The following ENTPD4 variants were observed in gnomAD, a reference collection of about 807,000 sequenced individuals.
The protein encoded by ENTPD4 is Golgi UDPase.
In ENTPD4, 60 loss-of-function variants were observed where a neutral mutation model predicts 79.1. That is an observed-to-expected ratio of 0.76 (90% confidence interval 0.62 to 0.94). ENTPD4 has a LOEUF of 0.94. Among genes scored for constraint, ENTPD4 ranks in the 40% least tolerant of loss-of-function variants. The pLI is 0.00. For missense variants in ENTPD4, 772 were observed against 775.1 expected (o/e 1.00, Z 0.05); for synonymous variants, 276 against 292.0 (o/e 0.95, Z 0.56).
intron 7 of ENTPD4, 24 bp downstream of exon 7, chr8:23,441,983 A>G (rs1800679683): frequency 1.9e-6 from 3 of 1,592,950 alleles, no homozygotes; most frequent in Non-Finnish European, 2.6e-6. Context: ...AACTAGATAC[A>G]TTTGTTGGAA....
chr8:23,451,610 T>C (rs1158685467), intron 1 of ENTPD4, among the ~76,000 whole-genome samples: 1 of 152,190 alleles, frequency 6.6e-6, no homozygotes, highest in African/African-American at 2.4e-5. Context: ...TACAAAGCCC[T>C]ACAGGATCTA....
rs368344664 is a variant in ENTPD4 at position 23,441,988 on chromosome 8, T to C, written c.727+19A>G. Reference sequence around the variant, plus strand: ...ACCAATTTCCAACTAGATACATTTGTTGGAACCATGACACTTACCATCTTC... The same window carrying C: ...ACCAATTTCCAACTAGATACATTTGCTGGAACCATGACACTTACCATCTTC... On this transcript the variant is annotated intron_variant, in intron 7 of 12. Transcript: ENST00000358689. 19 of 1,606,042 alleles carry C rather than the reference T, an allele frequency of 1.2e-5. No homozygotes were observed. The highest frequency in any genetic ancestry group is 1.7e-5 in the Admixed American group (1 of 59,866).
Position 23,432,938 on chromosome 8 carries a change from C to CG in ENTPD4, c.1838dup (p.Thr615AspfsTer68), listed in dbSNP as rs749546191. The CG allele has an allele frequency of 3.1e-6, 5 of 1,600,752 alleles. No homozygotes were observed. In the East Asian group the frequency reaches 1.1e-4, roughly 36 times the overall value. Reference sequence around the variant, plus strand: ...GCTGTGAGCTGGATCACAAGGTCCCCGGGGCATTCTGGGCGGGAAGGCCCT... The same window carrying CG: ...GCTGTGAGCTGGATCACAAGGTCCCCGGGGGCATTCTGGGCGGGAAGGCCCT... On this transcript the variant is annotated frameshift_variant, in exon 13 of 13. Transcript: ENST00000358689. LOFTEE classifies it high-confidence loss of function.
At chr8:23,439,309 C>T (rs1035738321) in intron 9 of ENTPD4, among the ~76,000 whole-genome samples, 1 of 152,188 alleles carries the variant, frequency 6.6e-6, no homozygotes, top group African/African-American at 2.4e-5. Context: ...ACTAGCTGCA[C>T]TGGCTGCTTC....
At chr8:23,453,555 T>C (rs1800901753) in intron 1 of ENTPD4, among the ~76,000 whole-genome samples, 1 of 152,098 alleles carries the variant, frequency 6.6e-6, no homozygotes, top group African/African-American at 2.4e-5. Flanking sequence ...CTCATTGAAA[T>C]GGCTGATAAA....
At chr8:23,433,319 G>A (rs1038417040) in intron 12 of ENTPD4, among the ~76,000 whole-genome samples, 165 bp from the exon 13 acceptor site, 5 of 152,198 alleles carry the variant, frequency 3.3e-5, no homozygotes, top group Non-Finnish European at 5.9e-5. Context: ...GGGCTTCTAA[G>A]TATCAGTGAG....
At chr8:23,449,225 G>T (rs1800816867) in intron 2 of ENTPD4, among the ~76,000 whole-genome samples, 1 of 152,104 alleles carries the variant, frequency 6.6e-6, no homozygotes. Context: ...CTCCAACATA[G>T]ATACAGAATT....
At chr8:23,446,972 T>C (rs555981453) in intron 4 of ENTPD4, among the ~76,000 whole-genome samples, 49 of 152,366 alleles carry the variant, frequency 3.2e-4, no homozygotes, top group South Asian at 8.3e-4. Flanking sequence ...TATTAAGATC[T>C]GTGGTCAACT....
At position 23,432,708 on chromosome 8, in the gene ENTPD4, CAGGA is replaced by C. The variant is rs1800476889; in HGVS notation, c.*214_*217del. On this transcript the variant is annotated 3_prime_UTR_variant, in exon 13 of 13. Transcript: ENST00000358689. ...AGAGACGGGGTTTCACCGTGTTAGC[CAGGA>C]TGGTCTCGATCTCCTGACCTCATGA... is the stretch of plus-strand genomic sequence containing the variant. 9.3e-7 allele frequency: 1 copy of C among 1,072,148 alleles called. No individual in the cohort carries two copies. The highest frequency in any genetic ancestry group is 1.3e-6 in the Non-Finnish European group (1 of 798,506). The allele number at this position is 1,072,148 out of a possible 1,614,324, so 66.4% of individuals were successfully genotyped here.
In ENTPD4 at chr8:23,437,500, C is replaced by T. The variant is rs544038930; in HGVS notation, c.1050-242G>A. Among the ~76,000 whole-genome samples, 7 of 152,282 alleles carry T rather than the reference C, an allele frequency of 4.6e-5. No homozygotes were observed. The East Asian group carries it at 1.3e-3, about 29-fold the overall frequency. On this transcript the variant is annotated intron_variant, in intron 9 of 12. Coordinates refer to ENST00000358689, the MANE Select transcript of ENTPD4 (RefSeq NM_004901.5). ...AGGCTACCAGAGTCCAGTTGGATAA[C>T]CTACCCGATTAGCCGACGATCCTGG...
chr8:23,449,848 A>T (rs1800828059), intron 2 of ENTPD4, 45 bp downstream of exon 2: 1 of 1,538,048 alleles, frequency 6.5e-7, no homozygotes, highest in South Asian at 1.1e-5. Flanking sequence ...CTGTTTTTGC[A>T]TCACCAAGAT....
rs376406097 is a variant in ENTPD4 at position 23,431,414 on chromosome 8, C to T, written c.*1512G>A. ...ACAAACTCCACCTAAAAAAACTGTA[C>T]GAGAATTCCCCAAACTTCTCAACTA... On this transcript the variant is annotated 3_prime_UTR_variant, in exon 13 of 13. Coordinates refer to ENST00000358689, the MANE Select transcript of ENTPD4 (RefSeq NM_004901.5). The T allele has an allele frequency of 4.2e-5, 41 of 985,360 alleles. No individual in the cohort carries two copies. Among genetic ancestry groups the T allele is most frequent in the South Asian group, 1.4e-4 (3 of 21,292 alleles). 61.0% of individuals were successfully genotyped at this position (985,360 alleles called of 1,614,324 possible).
rs530685843 is a variant in ENTPD4, at chr8:23,441,815, A to G, written c.728-92T>C. 3.0e-5 allele frequency: 43 copies of G among 1,447,676 alleles called. No individual in the cohort carries two copies. In the East Asian group the frequency reaches 1.0e-3, roughly 34 times the overall value. The allele number at this position is 1,447,676 out of a possible 1,614,324, so 89.7% of individuals were successfully genotyped here. ...CACCTTCTTTTCATGGTCTATTTCA[A>G]GCATATTCAGGCAAACCCAGTCTAC... On this transcript the variant is annotated intron_variant, in intron 7 of 12. Transcript: ENST00000358689.
In ENTPD4 at chr8:23,443,940, T is replaced by C. The variant is rs1210522734; in HGVS notation, c.577A>G (p.Ile193Val). 3.7e-6 allele frequency: 6 copies of C among 1,610,248 alleles called. No individual in the cohort carries two copies. In the South Asian group the frequency reaches 5.5e-5, roughly 15 times the overall value. The change falls in exon 6 of 13, where the codon ATT becomes GTT. Residue 193 changes from isoleucine to valine, a missense_variant. Physicochemically the swap from Ile to Val is conservative, Grantham distance 29. Coordinates refer to ENST00000358689, the MANE Select transcript of ENTPD4 (RefSeq NM_004901.5). ...RILPESQQKA[I>V]LEDLLTDIPV... ...ATATCGGTCAGAAGGTCTTCCAGAA[T>C]AGCTTTCTGCTGGCTGTAAAGTAAT...
chr8:23,441,650 C>T lies in ENTPD4; in HGVS notation c.801G>A (p.Ala267=), dbSNP rs113598172. Residue 267 remains alanine, a synonymous_variant, in exon 8 of 13, where the codon GCG becomes GCA. Coordinates refer to ENST00000358689, the MANE Select transcript of ENTPD4 (RefSeq NM_004901.5). ...SSEAIVRKRT[A]GILDMGGVST... is the part of the protein sequence containing the mutation. ...ACACGCCGCCCATGTCGAGAATGCC[C>T]GCTGTCCTTTTACGGACAATGGCTT... 6,137 of 1,614,190 alleles carry T rather than the reference C, an allele frequency of 3.8e-3. 11 individuals carry two copies. The highest frequency in any genetic ancestry group is 4.4e-3 in the Non-Finnish European group (5,155 of 1,180,034).
intron 9 of ENTPD4, among the ~76,000 whole-genome samples, chr8:23,439,257 T>C (rs190005816): frequency 5.3e-4 from 81 of 152,342 alleles, no homozygotes; most frequent in African/African-American, 1.8e-3. Context: ...AGATAATTTA[T>C]TTCTCTTGAA....
chr8:23,437,987 TCAG>T (rs997619360), intron 9 of ENTPD4, among the ~76,000 whole-genome samples: 6 of 152,224 alleles, frequency 3.9e-5, no homozygotes, highest in African/African-American at 1.2e-4. Context: ...CTTTCCTTGA[TCAG>T]CTATGGGTCC....
chr8:23,431,972 A>G lies in ENTPD4; in HGVS notation c.*954T>C. 1.0e-6 allele frequency: 1 copy of G among 985,370 alleles called. No individual in the cohort carries two copies. Among genetic ancestry groups the G allele is most frequent in the South Asian group, 4.7e-5 (1 of 21,280 alleles). 61.0% of individuals were successfully genotyped at this position (985,370 alleles called of 1,614,324 possible). A position where few individuals can be genotyped will look rare whatever the true frequency, so the allele number is the denominator to read the frequency against. On this transcript the variant is annotated 3_prime_UTR_variant, in exon 13 of 13. Coordinates refer to ENST00000358689, the MANE Select transcript of ENTPD4 (RefSeq NM_004901.5). ...AATTCTGAAGTGTGTGTTTTTAAAG[A>G]ACCAGCATTGCCTCCCCTCACGCTG...
chr8:23,456,159 G>C (rs1347598566), intron 1 of ENTPD4, among the ~76,000 whole-genome samples: 1 of 152,120 alleles, frequency 6.6e-6, no homozygotes, highest in Non-Finnish European at 1.5e-5. Flanking sequence ...TCCATCAACT[G>C]GTCCACCTTA....
Sources: gnomAD v4.1 joint callset for allele counts (sites outside exome capture counted in the v4.1 genomes callset) on GRCh38, gnomAD v4.1.1 for gene constraint, MANE v1.5 for transcripts, NCBI Gene and HGNC (gene_info 2026-07-23, HGNC 2026-07-21) for gene names.